Variants in ATP6V0A4 observed in about 807,000 individuals in gnomAD.
ATP6V0A4 encodes V-type proton ATPase 116 kDa subunit a 4.
ATP6V0A4 carries 86 observed loss-of-function variants against 107.3 expected under a neutral mutation model. The observed-to-expected ratio is 0.80, with a 90% CI of 0.67 to 0.96. The LOEUF (loss-of-function observed/expected upper bound fraction) is 0.96, where lower values mean the gene tolerates loss of function less well. Among genes scored for constraint, ATP6V0A4 ranks in the 40% least tolerant of loss-of-function variants. ATP6V0A4 has a pLI of 0.00. For synonymous variants in ATP6V0A4, 353 were observed against 381.4 expected (o/e 0.93, Z 0.87); for missense variants, 908 against 1,045.6 (o/e 0.87, Z 1.81).
At chr7:138,760,504 T>G (rs576996410) in intron 7 of ATP6V0A4, among the ~76,000 whole-genome samples, 1 of 150,918 alleles carries the variant, frequency 6.6e-6, no homozygotes, top group African/African-American at 2.4e-5. Context: ...TAGCTAATGA[T>G]AGCAAATATT....
chr7:138,787,612 T>C (rs1178372447), intron 1 of ATP6V0A4, among the ~76,000 whole-genome samples: 1 of 152,042 alleles, frequency 6.6e-6, no homozygotes, highest in Non-Finnish European at 1.5e-5. Context: ...TGATTGCACC[T>C]GCGAATAGCC....
intron 12 of ATP6V0A4, 148 bp from the exon 13 acceptor site, chr7:138,747,712 G>T: frequency 7.8e-7 from 1 of 1,279,182 alleles, no homozygotes; most frequent in Non-Finnish European, 1.1e-6. Flanking sequence ...CCTGACACAT[G>T]CTTAGCTGCC....
At chr7:138,741,592 A>G (rs545578358) in intron 14 of ATP6V0A4, among the ~76,000 whole-genome samples, 2 of 152,208 alleles carry the variant, frequency 1.3e-5, no homozygotes, top group Non-Finnish European at 2.9e-5. Flanking sequence ...TTCCACAATC[A>G]TACCTCGATA....
chr7:138,721,897 C>G lies in ATP6V0A4; in HGVS notation c.2139G>C (p.Glu713Asp). The G allele has an allele frequency of 6.2e-7, 1 of 1,614,034 alleles. No individual in the cohort carries two copies. The highest frequency in any genetic ancestry group is 8.5e-7 in the Non-Finnish European group (1 of 1,179,976). The part of the protein sequence containing the change: ...THGALDDHGE[E>D]FNFGDVFVHQ... ...CCTCAGGGGCTCTCGTCCCAGATAC[C>G]TCTTCTCCATGGTCGTCCAGAGCCC... The change falls in exon 19 of 22, where the codon GAG becomes GAC. Residue 713 changes from glutamate (E) to aspartate (D), a missense_variant and splice_region_variant. By Grantham distance (45) the Glu-to-Asp change is conservative. Coordinates refer to ENST00000310018, the MANE Select transcript of ATP6V0A4 (RefSeq NM_020632.3).
intron 13 of ATP6V0A4, 101 bp from the exon 14 acceptor site, chr7:138,745,381 A>T: frequency 6.4e-7 from 1 of 1,553,262 alleles, no homozygotes; most frequent in Non-Finnish European, 8.8e-7. Context: ...CGGTGCAGGC[A>T]CCCTTGGGGG....
At chr7:138,797,688 T>C (rs893138530) in intron 1 of ATP6V0A4, among the ~76,000 whole-genome samples, 3 of 152,088 alleles carry the variant, frequency 2.0e-5, no homozygotes, top group African/African-American at 7.2e-5. Flanking sequence ...TTCAGCATAG[T>C]GGGTGCTCAG....
At chr7:138,777,845 T>C (rs1310033746) in intron 2 of ATP6V0A4, among the ~76,000 whole-genome samples, 1 of 152,118 alleles carries the variant, frequency 6.6e-6, no homozygotes, top group African/African-American at 2.4e-5. Context: ...AGAGGTGAGT[T>C]CTCTGGGTTT....
intron 8 of ATP6V0A4, among the ~76,000 whole-genome samples, chr7:138,759,106 C>T (rs1806659492): frequency 8.2e-6 from 1 of 121,712 alleles, no homozygotes; most frequent in East Asian, 2.6e-4. Context: ...GTTCCCTAGG[C>T]TGGAGTGCAG....
chr7:138,715,886 A>G lies in ATP6V0A4; in HGVS notation c.2140-5T>C, dbSNP rs967904450. ...AAAGACGTCTCCAAAGTTGAACTGA[A>G]AGACGGAATTGTTTATTTTACTTCA... On this transcript the variant is annotated splice_region_variant and splice_polypyrimidine_tract_variant and intron_variant, in intron 19 of 21. Transcript: ENST00000310018. 3 of 1,612,398 alleles carry G rather than the reference A, an allele frequency of 1.9e-6. No homozygotes were observed. The highest frequency in any genetic ancestry group is 1.3e-5 in the African/African-American group (1 of 74,900).
rs773929841 is a variant in ATP6V0A4, at chr7:138,721,890, C to T, written c.2139+7G>A. 2 of 1,613,906 alleles carry T rather than the reference C, an allele frequency of 1.2e-6. No homozygotes were observed. Among genetic ancestry groups the T allele is most frequent in the African/African-American group, 2.7e-5 (2 of 74,894 alleles). ...GAGTCTTCCTCAGGGGCTCTCGTCC[C>T]AGATACCTCTTCTCCATGGTCGTCC... is the stretch of plus-strand genomic sequence containing the variant. On this transcript the variant is annotated splice_region_variant and intron_variant, in intron 19 of 21. Transcript: ENST00000310018.
intron 2 of ATP6V0A4, among the ~76,000 whole-genome samples, chr7:138,785,891 C>G (rs1808157139): frequency 6.6e-6 from 1 of 152,190 alleles, no homozygotes; most frequent in Non-Finnish European, 1.5e-5. Flanking sequence ...CCACTTCCTC[C>G]TGGCCACGAC....
At chr7:138,777,194 G>T (rs1807699146) in intron 2 of ATP6V0A4, among the ~76,000 whole-genome samples, 1 of 152,038 alleles carries the variant, frequency 6.6e-6, no homozygotes. Flanking sequence ...TGTCAGAGTA[G>T]GAGGCAGGGG....
chr7:138,790,913 A>G (rs1188131676), intron 1 of ATP6V0A4, among the ~76,000 whole-genome samples: 1 of 152,238 alleles, frequency 6.6e-6, no homozygotes, highest in African/African-American at 2.4e-5. Flanking sequence ...CTGGGTCTCA[A>G]GTTATTTCTA....
chr7:138,745,641 C>T (rs1269674718), intron 13 of ATP6V0A4, among the ~76,000 whole-genome samples: 8 of 47,674 alleles, frequency 1.7e-4, no homozygotes, highest in Non-Finnish European at 3.4e-4. Flanking sequence ...TGCACCACTG[C>T]GCTCCAGCCT....
intron 17 of ATP6V0A4, among the ~76,000 whole-genome samples, chr7:138,730,931 C>CTTTTTTT (rs66521953): frequency 1.7e-4 from 21 of 123,742 alleles, no homozygotes; most frequent in East Asian, 2.5e-4. Flanking sequence ...TCTTCTTCTT[C>CTTTTTTT]TTTTTTTATT....
Position 138,733,053 on chromosome 7 carries a change from G to C in ATP6V0A4, c.1732C>G (p.Pro578Ala). The C allele has an allele frequency of 6.2e-7, 1 of 1,613,950 alleles. No homozygotes were observed. The highest frequency in any genetic ancestry group is 8.5e-7 in the Non-Finnish European group (1 of 1,179,976). ...RTLNIILQFIPEMIFILCLFG... is the reference protein window; with the variant it reads ...RTLNIILQFIAEMIFILCLFG... ...AGACACAGGATAAAAATCATCTCAG[G>C]GATAAATTGCAGAATGATGTTGAGA... Residue 578 changes from proline (P) to alanine (A), a missense_variant, in exon 17 of 22, where the codon CCT becomes GCT. By Grantham distance (27) the Pro-to-Ala change is conservative. Coordinates refer to ENST00000310018, the MANE Select transcript of ATP6V0A4 (RefSeq NM_020632.3).
At chr7:138,711,538 G>A (rs1803743549) in intron 20 of ATP6V0A4, among the ~76,000 whole-genome samples, 2 of 152,130 alleles carry the variant, frequency 1.3e-5, no homozygotes, top group South Asian at 2.1e-4. Flanking sequence ...ACTTGCAAGC[G>A]GCTATCAGAA....
At chr7:138,723,133 C>T (rs1804523711) in intron 18 of ATP6V0A4, among the ~76,000 whole-genome samples, 1 of 151,682 alleles carries the variant, frequency 6.6e-6, no homozygotes, top group African/African-American at 2.4e-5. Context: ...AGCCATAATT[C>T]AAACTCAGTT....
chr7:138,775,641 CTGAT>C (rs1195281456), intron 2 of ATP6V0A4, among the ~76,000 whole-genome samples: 2 of 119,210 alleles, frequency 1.7e-5, no homozygotes, highest in Admixed American at 9.9e-5. Context: ...TATGATTGGG[CTGAT>C]TTTTTTTTTT....
Sources: gnomAD v4.1 joint callset for allele counts (sites outside exome capture counted in the v4.1 genomes callset) on GRCh38, gnomAD v4.1.1 for gene constraint, MANE v1.5 for transcripts, NCBI Gene and HGNC (gene_info 2026-07-23, HGNC 2026-07-21) for gene names.